Variants in ASS1 observed in about 807,000 individuals in gnomAD.
ASS1 encodes argininosuccinate synthase.
A neutral mutation model predicts 60.5 loss-of-function variants in ASS1; 58 were observed. That is an observed-to-expected ratio of 0.96 (90% confidence interval 0.78 to 1.19). ASS1 has a LOEUF of 1.19. ASS1 is among the 50% of genes most tolerant of loss of function. The pLI, the probability that ASS1 is intolerant of heterozygous loss-of-function variation, is 0.00. For synonymous variants in ASS1, 200 were observed against 206.9 expected (o/e 0.97, Z 0.29); for missense variants, 454 against 547.3 (o/e 0.83, Z 1.70).
chr9:130,456,605 A>G (rs1220756567), intron 3 of ASS1, among the ~76,000 whole-genome samples: 1 of 152,198 alleles, frequency 6.6e-6, no homozygotes, highest in Non-Finnish European at 1.5e-5. Context: ...ATAATTATAG[A>G]CACAGGAAGT....
chr9:130,489,422 A>C lies in ASS1; in HGVS notation c.928A>C (p.Lys310Gln), dbSNP rs121908648. The change falls in exon 12 of 15, where the codon AAA becomes CAA. Residue 310 changes from lysine (K) to glutamine (Q), a missense_variant. Transcript: ENST00000352480. This position sits in a 1 kb window ranked among gnomAD's most constrained non-coding sequence, Gnocchi z 4.1. Reference sequence around the variant, plus strand: ...CATGGACCGGGAAGTGCGCAAAATCAAACAAGGCCTGGGCTTGAAATTTGC... The same window carrying C: ...CATGGACCGGGAAGTGCGCAAAATCCAACAAGGCCTGGGCTTGAAATTTGC... ...FTMDREVRKI[K>Q]QGLGLKFAEL... 16 of 1,614,122 alleles carry C rather than the reference A, an allele frequency of 9.9e-6. No individual in the cohort carries two copies. Among genetic ancestry groups the C allele is most frequent in the African/African-American group, 1.3e-5 (1 of 75,018 alleles).
chr9:130,476,760 G>C lies in ASS1; in HGVS notation c.598-111G>C. 1 of 1,071,736 alleles carries C rather than the reference G, an allele frequency of 9.3e-7. No individual in the cohort carries two copies. The highest frequency in any genetic ancestry group is 1.5e-6 in the Non-Finnish European group (1 of 688,262). The allele number at this position is 1,071,736 out of a possible 1,614,324, so 66.4% of individuals were successfully genotyped here. A position where few individuals can be genotyped will look rare whatever the true frequency, so the allele number is the denominator to read the frequency against. On this transcript the variant is annotated intron_variant, in intron 8 of 14. Coordinates refer to ENST00000352480, the MANE Select transcript of ASS1 (RefSeq NM_054012.4). This position sits in a 1 kb window ranked among gnomAD's most constrained non-coding sequence, Gnocchi z 4.9. ...CCGGGGGATCTGCCGGACCCCACCAGCTGGTGGGGAAATGGACAGAGGAGA... is the reference window on the plus strand; with the variant it reads ...CCGGGGGATCTGCCGGACCCCACCACCTGGTGGGGAAATGGACAGAGGAGA...
At chr9:130,456,721 G>T (rs1845458709) in intron 3 of ASS1, among the ~76,000 whole-genome samples, 1 of 151,670 alleles carries the variant, frequency 6.6e-6, no homozygotes, top group African/African-American at 2.4e-5. Flanking sequence ...AGGCTGAAGT[G>T]GGCAGATCTC....
intron 3 of ASS1, among the ~76,000 whole-genome samples, chr9:130,457,433 T>C (rs908351681): frequency 1.3e-5 from 2 of 152,088 alleles, no homozygotes; most frequent in Admixed American, 6.5e-5. Flanking sequence ...ATCACACCAC[T>C]GCACTCCAGT....
intron 4 of ASS1, 102 bp from the exon 5 acceptor site, chr9:130,464,009 C>T: frequency 5.4e-6 from 7 of 1,286,046 alleles, no homozygotes. Flanking sequence ...ACGCTCTGCC[C>T]AGCTCTGTCT....
At chr9:130,475,826 G>A (rs1363623133) in intron 8 of ASS1, among the ~76,000 whole-genome samples, 4 of 149,184 alleles carry the variant, frequency 2.7e-5, no homozygotes, top group South Asian at 2.1e-4. Flanking sequence ...GTGCAATCTC[G>A]GCTCACTGCA....
intron 1 of ASS1, chr9:130,451,658 T>C: frequency 2.8e-6 from 1 of 362,170 alleles, no homozygotes; most frequent in Non-Finnish European, 5.5e-6. Flanking sequence ...TCTGTGACCT[T>C]GAGCCTGCCA....
At chr9:130,484,226 GC>G (rs1471270448) in intron 11 of ASS1, among the ~76,000 whole-genome samples, 2 of 152,150 alleles carry the variant, frequency 1.3e-5, no homozygotes, top group Non-Finnish European at 2.9e-5. Context: ...AAGGACCAGA[GC>G]CTTTAGTCCA....
chr9:130,499,556 C>T lies in ASS1; in HGVS notation c.1179C>T (p.Asn393=), dbSNP rs754836732. 3.1e-6 allele frequency: 5 copies of T among 1,613,670 alleles called. No homozygotes were observed. In the African/African-American group the frequency reaches 6.7e-5, roughly 22 times the overall value. ...YEPTDATGFI[N]INSLRLKEYH... is the part of the protein sequence containing the mutation. ...CAACTGATGCCACCGGGTTCATCAA[C>T]ATCAATTCCCTCAGGTGAGAAGCTC... Residue 393 remains asparagine (N), a synonymous_variant, in exon 14 of 15, where the codon AAC becomes AAT. Coordinates refer to ENST00000352480, the MANE Select transcript of ASS1 (RefSeq NM_054012.4).
chr9:130,480,476 C>A lies in ASS1; in HGVS notation c.838+27C>A, dbSNP rs1394714095. On this transcript the variant is annotated intron_variant, in intron 11 of 14. Coordinates refer to ENST00000352480, the MANE Select transcript of ASS1 (RefSeq NM_054012.4). ...TGAGTCTGCTCAGCCTCCCTCAGGG[C>A]CTGCCTCGGGACCCAGCAAACCCAG... The A allele has an allele frequency of 2.5e-6, 4 of 1,612,172 alleles. No homozygotes were observed. In the African/African-American group the frequency reaches 5.3e-5, roughly 22 times the overall value.
intron 4 of ASS1, among the ~76,000 whole-genome samples, chr9:130,460,967 G>C (rs1845576546): frequency 6.6e-6 from 1 of 152,046 alleles, no homozygotes; most frequent in Admixed American, 6.5e-5. Context: ...TGGTGGCAGA[G>C]GAGGAGAACC....
chr9:130,489,311 C>T lies in ASS1; in HGVS notation c.839-22C>T. 6.2e-7 allele frequency: 1 copy of T among 1,613,308 alleles called. No individual in the cohort carries two copies. On this transcript the variant is annotated intron_variant, in intron 11 of 14. Coordinates refer to ENST00000352480, the MANE Select transcript of ASS1 (RefSeq NM_054012.4). This position sits in a 1 kb window ranked among gnomAD's most constrained non-coding sequence, Gnocchi z 4.1. ...GTTTCTCTCTTTTTTCTCCTTTTCC[C>T]CCTGCCTGGAAAAATGGCTAGGTAT...
At chr9:130,461,925 AT>A (rs780969281) in intron 4 of ASS1, among the ~76,000 whole-genome samples, 2 of 152,132 alleles carry the variant, frequency 1.3e-5, no homozygotes, top group Non-Finnish European at 2.9e-5. Flanking sequence ...GGGACAACGG[AT>A]TGGCCTGGGA....
At chr9:130,450,049 C>T (rs575951958) in intron 1 of ASS1, among the ~76,000 whole-genome samples, 42 of 152,310 alleles carry the variant, frequency 2.8e-4, no homozygotes, top group African/African-American at 9.9e-4. Flanking sequence ...CCACACCACC[C>T]GCGCCATCAC....
chr9:130,447,157 T>C (rs1845213883), intron 1 of ASS1, among the ~76,000 whole-genome samples: 1 of 152,122 alleles, frequency 6.6e-6, no homozygotes, highest in South Asian at 2.1e-4. Context: ...ACTGGGGGGC[T>C]GGTTTTCTGG....
At chr9:130,450,197 G>T in intron 1 of ASS1, 1 of 909,660 alleles carries the variant, frequency 1.1e-6, no homozygotes, top group Middle Eastern at 2.9e-4. Context: ...AGATTGGGCG[G>T]CTGGAAAGTA....
intron 4 of ASS1, among the ~76,000 whole-genome samples, chr9:130,461,970 C>T (rs969862837): frequency 3.3e-5 from 5 of 152,150 alleles, no homozygotes; most frequent in African/African-American, 7.2e-5. Context: ...TTGCTGGAAC[C>T]GCCTGAGCCC....
intron 6 of ASS1, among the ~76,000 whole-genome samples, chr9:130,469,243 G>T (rs1391882208): frequency 2.0e-5 from 3 of 152,220 alleles, no homozygotes; most frequent in Non-Finnish European, 4.4e-5. Flanking sequence ...CTGGCCAAGG[G>T]CACAGGGCGA....
intron 7 of ASS1, 58 bp from the exon 8 acceptor site, chr9:130,471,427 G>A: frequency 6.3e-7 from 1 of 1,591,678 alleles, no homozygotes; most frequent in Non-Finnish European, 8.6e-7. Flanking sequence ...TGTGTTGGGG[G>A]ATGGGGACAT....
Sources: allele counts gnomAD v4.1 joint callset (sites outside exome capture counted in the v4.1 genomes callset), GRCh38; gene constraint gnomAD v4.1.1; non-coding constraint Gnocchi (gnomAD v3.1); transcripts MANE v1.5; gene names NCBI Gene and HGNC (gene_info 2026-07-23, HGNC 2026-07-21).